The following TRIM66 variants were observed in gnomAD, a reference collection of about 807,000 sequenced individuals.
The protein encoded by TRIM66 is tripartite motif containing 66, also known as tripartite motif-containing protein 66.
Under a neutral mutation model 148.2 loss-of-function variants are expected in TRIM66, and 99 were observed. The ratio of observed to expected loss-of-function variants is 0.67; its 90% CI spans 0.57 to 0.79. TRIM66 has a LOEUF of 0.79. Among genes scored for constraint, TRIM66 ranks in the 30% least tolerant of loss-of-function variants. The probability of loss-of-function intolerance (pLI) is 0.00; values close to 1 mark genes in which losing one functional copy is unlikely to be tolerated. For synonymous variants in TRIM66, 616 were observed against 635.9 expected, an observed-to-expected ratio of 0.97 and a Z score of 0.47; for missense variants, 1,666 against 1,697.9, an observed-to-expected ratio of 0.98 and a Z score of 0.33.
Position 8,620,134 on chromosome 11 carries a change from C to A in TRIM66, c.3673-10G>T. The stretch of plus-strand genomic sequence containing the variant: ...CCAGCTTCTCACACTTCTGCAAAAT[C>A]AGAATTGGCAACAGAGTCACTTTGT... On this transcript the variant is annotated splice_polypyrimidine_tract_variant and intron_variant, in intron 21 of 24. Coordinates refer to ENST00000646038, the MANE Select transcript of TRIM66 (RefSeq NM_001388022.1). 1 of 1,551,424 alleles carries A rather than the reference C, an allele frequency of 6.4e-7. No homozygotes were observed. Among genetic ancestry groups the A allele is most frequent in the Admixed American group, 2.0e-5 (1 of 50,992 alleles).
chr11:8,624,571 G>A lies in TRIM66; in HGVS notation c.2827-20C>T, dbSNP rs964361521. 1.3e-5 allele frequency: 20 copies of A among 1,518,096 alleles called. No homozygotes were observed. Among genetic ancestry groups the A allele is most frequent in the East Asian group, 7.4e-5 (3 of 40,556 alleles). The allele number at this position is 1,518,096 out of a possible 1,614,324, so 94.0% of individuals were successfully genotyped here. On this transcript the variant is annotated intron_variant, in intron 16 of 24. Transcript: ENST00000646038. ...TTCCATCTTTCAAAAGTGAAATGTCGACAAGAATCAAAGAACTCAGACATG... is the reference window on the plus strand; with the variant it reads ...TTCCATCTTTCAAAAGTGAAATGTCAACAAGAATCAAAGAACTCAGACATG...
chr11:8,672,193 C>T lies in TRIM66; in HGVS notation c.27+55G>A, dbSNP rs2038970380. ...CTTCGAGAACAAGGCCTCAAAAGTC[C>T]AGGCCATGTTCCTCTCCAGAGCTGG... On this transcript the variant is annotated intron_variant, in intron 5 of 24. Coordinates refer to ENST00000646038, the MANE Select transcript of TRIM66 (RefSeq NM_001388022.1). The T allele has an allele frequency of 7.2e-6, 11 of 1,535,002 alleles. 1 individual carries two copies. The highest frequency in any genetic ancestry group is 9.6e-6 in the Non-Finnish European group (11 of 1,146,602).
At chr11:8,657,066 C>G (rs962535205) in intron 6 of TRIM66, among the ~76,000 whole-genome samples, 2 of 152,140 alleles carry the variant, frequency 1.3e-5, no homozygotes, top group Non-Finnish European at 2.9e-5. Flanking sequence ...AGTGAGGCAG[C>G]AAGGAAGTGG....
intron 6 of TRIM66, among the ~76,000 whole-genome samples, chr11:8,669,241 C>T (rs2038784958): frequency 6.6e-6 from 1 of 152,186 alleles, no homozygotes; most frequent in African/African-American, 2.4e-5. Flanking sequence ...TGCTATTTAC[C>T]ATTACTGAAG....
Position 8,640,971 on chromosome 11 carries a change from G to A in TRIM66, c.1404C>T (p.Ser468=), listed in dbSNP as rs372963002. 2 of 1,551,332 alleles carry A rather than the reference G, an allele frequency of 1.3e-6. No homozygotes were observed. Among genetic ancestry groups the A allele is most frequent in the Non-Finnish European group, 1.7e-6 (2 of 1,146,912 alleles). ...GGGAAGGCGAGACTGGGGAGCAGTG[G>A]GAGCAGCACACAGATGAGGAGCACA... ...PAVCSSSVCC[S]HCSPVSPSLK... is the part of the protein sequence containing the mutation. Residue 468 remains serine (S), a synonymous_variant, in exon 14 of 25, where the codon TCC becomes TCT. Coordinates refer to ENST00000646038, the MANE Select transcript of TRIM66 (RefSeq NM_001388022.1).
rs1221262396 is a variant in TRIM66 at position 8,671,948 on chromosome 11, G to A, written c.178C>T (p.Gln60Ter). Residue 60 changes from glutamine (Q) to a stop codon, truncating the protein, a stop_gained, in exon 6 of 25, where the codon CAG becomes TAG. Transcript: ENST00000646038. LOFTEE classifies it high-confidence loss of function. ...CAGGTCATTACCATGGCCTCCATCT[G>A]TCCACTCTTAGGGCAGTGTTTCTGG... ...AGQKHCPKSG[Q>*]MEAMVMTCSL... 1.3e-6 allele frequency: 2 copies of A among 1,536,020 alleles called. No homozygotes were observed. Among genetic ancestry groups the A allele is most frequent in the Non-Finnish European group, 1.7e-6 (2 of 1,146,916 alleles).
rs2034058619 is a variant in TRIM66, at chr11:8,620,057, C to A, written c.3740G>T (p.Ser1247Ile). ...CAGCGTGGCCTTCCTTACCAGGGGG[C>A]TGACAGGTTCATGGAAGGGCAGGCT... ...NLSLPFHEPV[S>I]PLARHYYQII... The change falls in exon 22 of 25, where the codon AGC becomes ATC. Residue 1247 changes from serine to isoleucine, a missense_variant. Coordinates refer to ENST00000646038, the MANE Select transcript of TRIM66 (RefSeq NM_001388022.1). 3.2e-6 allele frequency: 5 copies of A among 1,551,690 alleles called. No homozygotes were observed. The East Asian group carries it at 7.3e-5, about 23-fold the overall frequency.
intron 15 of TRIM66, among the ~76,000 whole-genome samples, chr11:8,627,811 T>TC (rs1396040843): frequency 4.6e-5 from 7 of 152,200 alleles, no homozygotes; most frequent in Non-Finnish European, 5.9e-5. Flanking sequence ...ATCATGTGCA[T>TC]CCATGAATAG....
At chr11:8,675,413 G>T (rs368565084) in intron 3 of TRIM66, among the ~76,000 whole-genome samples, 13 of 152,212 alleles carry the variant, frequency 8.5e-5, no homozygotes, top group African/African-American at 3.1e-4. Flanking sequence ...ATGCAGTTTT[G>T]CCCTTGTTAA....
intron 6 of TRIM66, among the ~76,000 whole-genome samples, chr11:8,668,229 T>G (rs934468986): frequency 1.3e-5 from 2 of 152,190 alleles, no homozygotes; most frequent in African/African-American, 4.8e-5. Flanking sequence ...TTTGGAGAAA[T>G]GTATATTCAA....
In TRIM66 at chr11:8,649,900, A is replaced by C. The variant is rs1460500614; in HGVS notation, c.445-13T>G. On this transcript the variant is annotated splice_polypyrimidine_tract_variant and intron_variant, in intron 7 of 24. Transcript: ENST00000646038. ...ACTCAGAGCAGTTCTGGAAGCAGAG[A>C]GTTCTGGAGTTACTGATGTTATCCT... 4 of 1,546,584 alleles carry C rather than the reference A, an allele frequency of 2.6e-6. No individual in the cohort carries two copies. Among genetic ancestry groups the C allele is most frequent in the East Asian group, 4.9e-5 (2 of 40,740 alleles).
chr11:8,618,094 G>T, intron 24 of TRIM66, 91 bp from the exon 25 acceptor site: 1 of 1,253,620 alleles, frequency 8.0e-7, no homozygotes, highest in Non-Finnish European at 1.1e-6. Flanking sequence ...GTTCTGCCAA[G>T]TCAACGTATT....
chr11:8,644,194 T>C (rs1425989109), intron 12 of TRIM66: 5 of 300,378 alleles, frequency 1.7e-5, no homozygotes, highest in Non-Finnish European at 3.2e-5. Flanking sequence ...AGTCATGATA[T>C]CACTAGTGTC....
chr11:8,640,206 C>A, intron 14 of TRIM66, 21 bp downstream of exon 14: 2 of 1,546,186 alleles, frequency 1.3e-6, no homozygotes, highest in Non-Finnish European at 1.7e-6. Context: ...AATATGCACG[C>A]CAAGCCACCC....
rs1278503641 is a variant in TRIM66 at position 8,621,323 on chromosome 11, T to G, written c.3256-2A>C. 6.5e-7 allele frequency: 1 copy of G among 1,548,362 alleles called. No homozygotes were observed. On this transcript the variant is annotated splice_acceptor_variant, in intron 19 of 24. Transcript: ENST00000646038. LOFTEE classifies it high-confidence loss of function. The stretch of plus-strand genomic sequence containing the variant: ...CTCAGACAGTCTGTCCTGGCTGACC[T>G]TGGGGAAGAAGTAAGTCTGGGCAGC...
At chr11:8,625,541 TACACACAC>T (rs1333471317) in intron 15 of TRIM66, among the ~76,000 whole-genome samples, 1 of 149,046 alleles carries the variant, frequency 6.7e-6, no homozygotes, top group African/African-American at 2.5e-5. Context: ...CTGAGGCATG[TACACACAC>T]ACACAGACAC....
Position 8,624,667 on chromosome 11 carries a change from C to T in TRIM66, c.2826+46G>A, listed in dbSNP as rs183093376. ...GGGTCCCAGTGGCCAATCTTTTGCC[C>T]AATGATGAACAAAGGAAGTTTGGAT... On this transcript the variant is annotated intron_variant, in intron 16 of 24. Coordinates refer to ENST00000646038, the MANE Select transcript of TRIM66 (RefSeq NM_001388022.1). 29 of 1,476,322 alleles carry T rather than the reference C, an allele frequency of 2.0e-5. No homozygotes were observed. The African/African-American group carries it at 4.0e-4, about 20-fold the overall frequency. 91.5% of individuals were successfully genotyped at this position (1,476,322 alleles called of 1,614,324 possible).
At position 8,640,234 on chromosome 11, in the gene TRIM66, G is replaced by T. The variant is rs757188503; in HGVS notation, c.2141C>A (p.Thr714Asn). 6 of 1,551,126 alleles carry T rather than the reference G, an allele frequency of 3.9e-6. No homozygotes were observed. The highest frequency in any genetic ancestry group is 5.2e-6 in the Non-Finnish European group (6 of 1,146,586). The part of the protein sequence containing the change: ...APVQSQSQEE[T>N]LQATDEPPAS... Reference sequence around the variant, plus strand: ...AGCCACCCTGACGCTTACCTGCAGGGTCTCCTCCTGGCTCTGGGACTGGAC... The same window carrying T: ...AGCCACCCTGACGCTTACCTGCAGGTTCTCCTCCTGGCTCTGGGACTGGAC... The change falls in exon 14 of 25, where the codon ACC becomes AAC. Residue 714 changes from threonine to asparagine, a missense_variant. Thr to Asn is a moderately conservative substitution (Grantham distance 65, BLOSUM62 0). This residue lies in a region of TRIM66 where 1,431 missense variants were observed against 1,412.4 expected (regional missense o/e 1.01). Coordinates refer to ENST00000646038, the MANE Select transcript of TRIM66 (RefSeq NM_001388022.1).
At chr11:8,646,104 A>C (rs1270665719) in intron 11 of TRIM66, among the ~76,000 whole-genome samples, 1 of 152,198 alleles carries the variant, frequency 6.6e-6, no homozygotes, top group Non-Finnish European at 1.5e-5. Context: ...GGAATGGGTA[A>C]TAAATGAAAG....
Sources: allele counts gnomAD v4.1 joint callset (sites outside exome capture counted in the v4.1 genomes callset), GRCh38; gene constraint gnomAD v4.1.1; regional missense constraint gnomAD v4.1.1; transcripts MANE v1.5; gene names NCBI Gene and HGNC (gene_info 2026-07-23, HGNC 2026-07-21).